The following PTK7 variants were observed in gnomAD, a reference collection of about 807,000 sequenced individuals.
PTK7 encodes the protein protein tyrosine kinase 7 (inactive), also known as inactive tyrosine-protein kinase 7.
In PTK7, 39 loss-of-function variants were observed where a neutral mutation model predicts 116.6. The ratio of observed to expected loss-of-function variants is 0.33; its 90% CI spans 0.26 to 0.44. The LOEUF is 0.44. Among genes scored for constraint, PTK7 ranks in the 20% least tolerant of loss-of-function variants. The pLI, the probability that PTK7 is intolerant of heterozygous loss-of-function variation, is 1.00. For missense variants in PTK7, 1,169 were observed against 1,425.6 expected (o/e 0.82, Z 2.90); for synonymous variants, 546 against 563.6 (o/e 0.97, Z 0.44).
intron 17 of PTK7, among the ~76,000 whole-genome samples, chr6:43,155,424 C>CTT: frequency 6.6e-6 from 1 of 151,850 alleles, no homozygotes; most frequent in South Asian, 2.1e-4. Context: ...AGGTGGATCA[C>CTT]GAGGTTAGGG....
In PTK7 at chr6:43,143,099, T is replaced by G; in HGVS notation, c.2048-318T>G. The G allele has an allele frequency of 7.2e-6, 2 of 277,636 alleles. No individual in the cohort carries two copies. Among genetic ancestry groups the G allele is most frequent in the Non-Finnish European group, 6.9e-6 (1 of 145,610 alleles). The allele number at this position is 277,636 out of a possible 1,614,324, so 17.2% of individuals were successfully genotyped here. A position where few individuals can be genotyped will look rare whatever the true frequency, so the allele number is the denominator to read the frequency against. On this transcript the variant is annotated intron_variant, in intron 13 of 19. Transcript: ENST00000230419. This position sits in a 1 kb window ranked among gnomAD's most constrained non-coding sequence, Gnocchi z 4.2. ...GCTGCTCTCCGGGGCCTGGCTCACA[T>G]TATCAAGTCACTTGGGAAGCTTAAC...
At chr6:43,093,346 C>G (rs189303086) in intron 1 of PTK7, among the ~76,000 whole-genome samples, 8 of 152,116 alleles carry the variant, frequency 5.3e-5, no homozygotes, top group African/African-American at 1.4e-4. Flanking sequence ...CCCACGACCA[C>G]GCCCGGCTAA....
chr6:43,120,318 T>A (rs1290759167), intron 1 of PTK7, among the ~76,000 whole-genome samples: 1 of 152,170 alleles, frequency 6.6e-6, no homozygotes, highest in African/African-American at 2.4e-5. Flanking sequence ...TGCCCTTCCC[T>A]CCAGCTTACT....
intron 1 of PTK7, among the ~76,000 whole-genome samples, chr6:43,126,788 G>T (rs1688949809): frequency 1.3e-5 from 2 of 152,234 alleles, no homozygotes; most frequent in Admixed American, 6.5e-5. Context: ...ATTTGGAAAT[G>T]TGTAGGGATG....
At position 43,141,941 on chromosome 6, in the gene PTK7, C is replaced by G; in HGVS notation, c.1779C>G (p.Thr593=). The G allele has an allele frequency of 6.2e-7, 1 of 1,606,520 alleles. No individual in the cohort carries two copies. Among genetic ancestry groups the G allele is most frequent in the East Asian group, 2.2e-5 (1 of 44,684 alleles). The change falls in exon 12 of 20, where the codon ACC becomes ACG. Residue 593 remains threonine (T), a synonymous_variant. Transcript: ENST00000230419. This position sits in a 1 kb window ranked among gnomAD's most constrained non-coding sequence, Gnocchi z 4.9. Reference sequence around the variant, plus strand: ...TCTCTTTTCTTCCAGTTTTTATCACCTTCAAAGTGGAACCAGAGCGTACGA... The same window carrying G: ...TCTCTTTTCTTCCAGTTTTTATCACGTTCAAAGTGGAACCAGAGCGTACGA... The part of the protein sequence containing the change: ...HVQLTVAVFI[T]FKVEPERTTV...
chr6:43,126,992 C>G (rs1769330208), intron 1 of PTK7, among the ~76,000 whole-genome samples: 1 of 152,160 alleles, frequency 6.6e-6, no homozygotes, highest in East Asian at 1.9e-4. Flanking sequence ...CGGACCAACA[C>G]CAGGGGCAGC....
At chr6:43,105,928 A>G (rs1767864377) in intron 1 of PTK7, among the ~76,000 whole-genome samples, 1 of 152,172 alleles carries the variant, frequency 6.6e-6, no homozygotes, top group South Asian at 2.1e-4. Context: ...GTAATTTGTT[A>G]TGGCAGCCCT....
At chr6:43,124,339 T>C (rs554101487) in intron 1 of PTK7, among the ~76,000 whole-genome samples, 5 of 152,354 alleles carry the variant, frequency 3.3e-5, no homozygotes, top group East Asian at 1.9e-4. Flanking sequence ...AGCTCCTTTC[T>C]TGGAGTCTGA....
rs752681094 is a variant in PTK7 at position 43,143,668 on chromosome 6, C to T, written c.2251+48C>T. ...GTGGTGCCCGTGTGCGGGAGCTGAG[C>T]GCCCTCCCGCGGCCACGGAGGGGAG... On this transcript the variant is annotated intron_variant, in intron 14 of 19. Coordinates refer to ENST00000230419, the MANE Select transcript of PTK7 (RefSeq NM_002821.5). This position sits in a 1 kb window ranked among gnomAD's most constrained non-coding sequence, Gnocchi z 4.2. The T allele has an allele frequency of 5.7e-6, 9 of 1,567,816 alleles. No individual in the cohort carries two copies. The highest frequency in any genetic ancestry group is 1.9e-5 in the Admixed American group (1 of 53,488).
At chr6:43,083,611 G>A (rs1408253211) in intron 1 of PTK7, among the ~76,000 whole-genome samples, 2 of 152,134 alleles carry the variant, frequency 1.3e-5, no homozygotes, top group African/African-American at 4.8e-5. Context: ...CAGCAGTGGG[G>A]CAGGGAGGAA....
chr6:43,137,210 A>G (rs1313660537), intron 7 of PTK7, among the ~76,000 whole-genome samples: 2 of 152,208 alleles, frequency 1.3e-5, no homozygotes, highest in Non-Finnish European at 2.9e-5. Context: ...CTAGAATGTT[A>G]GGGCCAAGAG....
At position 43,141,895 on chromosome 6, in the gene PTK7, C is replaced by G. The variant is rs751560996; in HGVS notation, c.1769-36C>G. ...TGTACCCTGCCAGCCCCTTGGCTTA[C>G]CCCTCCCTGCGCCTCGCTGGTCTCT... On this transcript the variant is annotated intron_variant, in intron 11 of 19. Transcript: ENST00000230419. This position sits in a 1 kb window ranked among gnomAD's most constrained non-coding sequence, Gnocchi z 4.9. The G allele has an allele frequency of 2.5e-6, 4 of 1,594,364 alleles. No individual in the cohort carries two copies. The South Asian group carries it at 4.5e-5, about 18-fold the overall frequency.
intron 7 of PTK7, chr6:43,133,245 A>G (rs1021106478): frequency 6.1e-6 from 1 of 162,730 alleles, no homozygotes; most frequent in Non-Finnish European, 1.3e-5. Context: ...GAGGGGGAGA[A>G]AAGCAAGACA....
In PTK7 at chr6:43,076,512, G is replaced by T; in HGVS notation, c.24G>T (p.Pro8=). The T allele has an allele frequency of 6.4e-7, 1 of 1,572,932 alleles. No homozygotes were observed. The change falls in exon 1 of 20, where the codon CCG becomes CCT. Residue 8 remains proline, a synonymous_variant. Transcript: ENST00000230419. This position sits in a 1 kb window ranked among gnomAD's most constrained non-coding sequence, Gnocchi z 5.7. MGAARGS[P]ARPRRLPLLS... is the part of the protein sequence containing the mutation. The stretch of plus-strand genomic sequence containing the variant: ...CGATGGGAGCTGCGCGGGGATCCCC[G>T]GCCAGACCCCGCCGGTTGCCTCTGC...
chr6:43,158,432 C>T (rs907354906), intron 17 of PTK7, among the ~76,000 whole-genome samples: 1 of 152,170 alleles, frequency 6.6e-6, no homozygotes, highest in African/African-American at 2.4e-5. Flanking sequence ...CATGTCACTG[C>T]ACTCTAGCCT....
At chr6:43,092,915 A>G (rs930264731) in intron 1 of PTK7, among the ~76,000 whole-genome samples, 18 of 152,342 alleles carry the variant, frequency 1.2e-4, no homozygotes, top group African/African-American at 4.1e-4. Flanking sequence ...TGTAATTTAC[A>G]GGCCTAGTTT....
rs577047547 is a variant in PTK7, at chr6:43,115,947, A to AAG, written c.80-13030_80-13029insAG. Among the ~76,000 whole-genome samples the AAG allele has an allele frequency of 3.8e-4, 49 of 128,416 alleles. 6 individuals carry two copies. Among genetic ancestry groups the AAG allele is most frequent in the South Asian group, 1.2e-3 (5 of 4,054 alleles). The allele number at this position is 128,416 out of a possible 152,430, so 84.2% of individuals were successfully genotyped here. A position where few individuals can be genotyped will look rare whatever the true frequency, so the allele number is the denominator to read the frequency against. On this transcript the variant is annotated intron_variant, in intron 1 of 19. Coordinates refer to ENST00000230419, the MANE Select transcript of PTK7 (RefSeq NM_002821.5). ...CATCTCAAAAAAAAAAAAAAAAAAA[A>AAG]GGCAGTGGGCCCTGTGCAAAATCCT...
intron 7 of PTK7, among the ~76,000 whole-genome samples, chr6:43,135,911 G>A (rs191208194): frequency 3.2e-3 from 486 of 152,080 alleles, no homozygotes; most frequent in African/African-American, 0.011. Flanking sequence ...AAAAATGGCT[G>A]GGTGCAGTGG....
At chr6:43,157,478 G>A (rs1771575863) in intron 17 of PTK7, among the ~76,000 whole-genome samples, 1 of 144,526 alleles carries the variant, frequency 6.9e-6, no homozygotes, top group South Asian at 2.2e-4. Flanking sequence ...CCAAAGTGCT[G>A]GGATTACAGG....
Sources: gnomAD v4.1 joint callset for allele counts (sites outside exome capture counted in the v4.1 genomes callset) on GRCh38, gnomAD v4.1.1 for gene constraint, Gnocchi (gnomAD v3.1) non-coding constraint, MANE v1.5 for transcripts, NCBI Gene and HGNC (gene_info 2026-07-23, HGNC 2026-07-21) for gene names.